Variants in MKRN1 observed in about 807,000 individuals in gnomAD.
MKRN1 encodes E3 ubiquitin-protein ligase makorin-1.
MKRN1 carries 9 observed loss-of-function variants against 55.5 expected under a neutral mutation model. The ratio of observed to expected loss-of-function variants is 0.16; its 90% CI spans 0.10 to 0.28. The LOEUF (loss-of-function observed/expected upper bound fraction) is 0.28. Among genes scored for constraint, MKRN1 ranks in the 10% least tolerant of loss-of-function variants. The probability of loss-of-function intolerance (pLI) is 1.00; values close to 1 mark genes in which losing one functional copy is unlikely to be tolerated. For missense variants in MKRN1, 488 were observed against 626.7 expected, an observed-to-expected ratio of 0.78 and a Z score of 2.36; for synonymous variants, 253 against 235.9, an observed-to-expected ratio of 1.07 and a Z score of -0.66.
In MKRN1 at chr7:140,454,415, T is replaced by C; in HGVS notation, c.*102A>G. The C allele has an allele frequency of 8.7e-7, 1 of 1,153,258 alleles. No homozygotes were observed. The highest frequency in any genetic ancestry group is 1.3e-6 in the Non-Finnish European group (1 of 791,634). The allele number at this position is 1,153,258 out of a possible 1,614,324, so 71.4% of individuals were successfully genotyped here. ...AAAATTCTTAGGACAGCACCTGGAG[T>C]TGAGAGGCCTGCCTAGGAGAGAACA... On this transcript the variant is annotated 3_prime_UTR_variant, in exon 8 of 8. Transcript: ENST00000255977.
At chr7:140,458,764 T>A (rs1223669621) in intron 4 of MKRN1, among the ~76,000 whole-genome samples, 1 of 152,190 alleles carries the variant, frequency 6.6e-6, no homozygotes, top group Non-Finnish European at 1.5e-5. Flanking sequence ...TGAGCGATCC[T>A]CTTGCCTCAG....
At chr7:140,474,008 A>AGAAAGAAAGAAAGAAG (rs1795028499) in intron 1 of MKRN1, among the ~76,000 whole-genome samples, 1 of 21,962 alleles carries the variant, frequency 4.6e-5, no homozygotes, top group Non-Finnish European at 7.6e-5. Context: ...AAAAAAAAAA[A>AGAAAGAAAGAAAGAAG]GAAAGAAAGA....
intron 1 of MKRN1, among the ~76,000 whole-genome samples, chr7:140,476,559 T>A (rs989623056): frequency 6.9e-6 from 1 of 145,844 alleles, no homozygotes; most frequent in Admixed American, 6.7e-5. Context: ...TTTTTTTTTT[T>A]AATGAAAGCA....
chr7:140,465,924 CA>C (rs1193373598), intron 2 of MKRN1, among the ~76,000 whole-genome samples: 1 of 151,716 alleles, frequency 6.6e-6, no homozygotes, highest in African/African-American at 2.4e-5. Context: ...TACTAAAATA[CA>C]AAAAAATTAG....
intron 2 of MKRN1, among the ~76,000 whole-genome samples, chr7:140,469,787 G>A (rs562103836): frequency 5.3e-5 from 8 of 152,042 alleles, no homozygotes; most frequent in East Asian, 3.9e-4. Flanking sequence ...GGCCGGGCGC[G>A]GTGGCTCATG....
rs767942387 is a variant in MKRN1, at chr7:140,460,103, G to A, written c.315-167C>T. The stretch of plus-strand genomic sequence containing the variant: ...GTCACTACCAAAAACGCAAAAATTA[G>A]CTGGGCATGGTGGCGCACCTGTAAT... On this transcript the variant is annotated intron_variant, in intron 2 of 7. Transcript: ENST00000255977. The A allele has an allele frequency of 1.7e-5, 11 of 640,132 alleles. No homozygotes were observed. The South Asian group carries it at 2.0e-4, about 11-fold the overall frequency. The allele number at this position is 640,132 out of a possible 1,614,324, so 39.7% of individuals were successfully genotyped here.
intron 2 of MKRN1, among the ~76,000 whole-genome samples, chr7:140,468,571 C>A (rs921048070): frequency 5.3e-5 from 8 of 151,878 alleles, no homozygotes; most frequent in Admixed American, 1.3e-4. Flanking sequence ...TGTGGTGGCA[C>A]ATGCCTGTAA....
chr7:140,470,046 C>CAAA (rs35753653), intron 2 of MKRN1, among the ~76,000 whole-genome samples: 5 of 51,102 alleles, frequency 9.8e-5, no homozygotes, highest in African/African-American at 5.4e-4. Context: ...GGCTCTGTCT[C>CAAA]AAAAAAAAAA....
intron 1 of MKRN1, chr7:140,478,248 TAAAA>T (rs573514808): frequency 1.3e-5 from 2 of 152,080 alleles, no homozygotes; most frequent in African/African-American, 4.8e-5. Flanking sequence ...AACCGGAAAA[TAAAA>T]AACGTACAAT....
chr7:140,471,877 T>A lies in MKRN1; in HGVS notation c.314+6A>T. On this transcript the variant is annotated splice_donor_region_variant and intron_variant, in intron 2 of 7. Transcript: ENST00000255977. Reference sequence around the variant, plus strand: ...CCCCTGAACAAATTTATAAACAAATTCTTACCTGCAGCGGTCTCCATAAAT... The same window carrying A: ...CCCCTGAACAAATTTATAAACAAATACTTACCTGCAGCGGTCTCCATAAAT... The A allele has an allele frequency of 6.2e-7, 1 of 1,611,720 alleles. No homozygotes were observed. The highest frequency in any genetic ancestry group is 8.5e-7 in the Non-Finnish European group (1 of 1,179,356).
intron 3 of MKRN1, among the ~76,000 whole-genome samples, chr7:140,459,443 T>C (rs1322841471): frequency 1.3e-5 from 2 of 152,208 alleles, no homozygotes; most frequent in African/African-American, 4.8e-5. Context: ...ATTGCTTCTT[T>C]ATCTATGTCT....
chr7:140,472,658 G>C (rs567061693), intron 1 of MKRN1, among the ~76,000 whole-genome samples: 12 of 151,360 alleles, frequency 7.9e-5, no homozygotes, highest in East Asian at 6.1e-4. Flanking sequence ...AAAGTGCTGA[G>C]ATTACAAGCG....
At chr7:140,457,891 T>C (rs890904424) in intron 4 of MKRN1, among the ~76,000 whole-genome samples, 3 of 152,114 alleles carry the variant, frequency 2.0e-5, no homozygotes, top group Non-Finnish European at 2.9e-5. Context: ...TTCACAAAAG[T>C]ACGCTGAAGA....
intron 1 of MKRN1, among the ~76,000 whole-genome samples, chr7:140,474,091 G>A (rs996810959): frequency 1.3e-5 from 2 of 151,254 alleles, no homozygotes; most frequent in Non-Finnish European, 3.0e-5. Flanking sequence ...GGTGGGCCCG[G>A]TGGCTCACAC....
At chr7:140,474,437 T>TG (rs771760476) in intron 1 of MKRN1, 288 of 361,198 alleles carry the variant, frequency 8.0e-4, no homozygotes, top group South Asian at 1.2e-3. Flanking sequence ...CGCAGTGGGT[T>TG]GGGGGGGGCC....
chr7:140,458,933 A>G (rs1446592793), intron 4 of MKRN1, 74 bp downstream of exon 4: 17 of 1,488,068 alleles, frequency 1.1e-5, no homozygotes, highest in Non-Finnish European at 1.6e-5. Context: ...TCTCTGAAAT[A>G]AACCCACAAT....
intron 2 of MKRN1, among the ~76,000 whole-genome samples, chr7:140,466,481 A>G (rs1794768669): frequency 6.6e-6 from 1 of 152,144 alleles, no homozygotes; most frequent in African/African-American, 2.4e-5. Context: ...CCTCGGTGAG[A>G]TAGGGAGACC....
chr7:140,476,093 G>A, intron 1 of MKRN1, among the ~76,000 whole-genome samples: 1 of 152,102 alleles, frequency 6.6e-6, no homozygotes, highest in Non-Finnish European at 1.5e-5. Context: ...GAAGAAAATA[G>A]CTTTAGTCAA....
At chr7:140,471,760 G>C in intron 2 of MKRN1, 123 bp downstream of exon 2, 2 of 1,360,698 alleles carry the variant, frequency 1.5e-6, no homozygotes, top group Non-Finnish European at 2.0e-6. Context: ...ATGAGCCACT[G>C]CCCAGCCAAG....
Sources: allele counts gnomAD v4.1 joint callset (sites outside exome capture counted in the v4.1 genomes callset), GRCh38; gene constraint gnomAD v4.1.1; transcripts MANE v1.5; gene names NCBI Gene and HGNC (gene_info 2026-07-23, HGNC 2026-07-21).